The following ZBTB40 variants were observed in gnomAD, a reference collection of about 807,000 sequenced individuals.
ZBTB40 encodes zinc finger and BTB domain containing 40.
ZBTB40 carries 60 observed loss-of-function variants against 117.5 expected under a neutral mutation model. The observed-to-expected ratio is 0.51, with a 90% CI of 0.41 to 0.63. The LOEUF (loss-of-function observed/expected upper bound fraction) is 0.63. Among genes scored for constraint, ZBTB40 ranks in the 30% least tolerant of loss-of-function variants. The probability of loss-of-function intolerance (pLI) is 0.00; values close to 1 mark genes in which losing one functional copy is unlikely to be tolerated. For missense variants in ZBTB40, 1,287 were observed against 1,498.5 expected (o/e 0.86, Z 2.33); for synonymous variants, 525 against 577.1 (o/e 0.91, Z 1.29).
chr1:22,510,940 C>T (rs1400129270), intron 9 of ZBTB40, among the ~76,000 whole-genome samples: 8 of 152,164 alleles, frequency 5.3e-5, no homozygotes, highest in Non-Finnish European at 8.8e-5. Context: ...CTGCATGTAT[C>T]TTCTTTGTAT....
intron 1 of ZBTB40, among the ~76,000 whole-genome samples, chr1:22,488,634 G>A (rs1272308196): frequency 1.3e-5 from 2 of 152,168 alleles, no homozygotes; most frequent in Non-Finnish European, 2.9e-5. Flanking sequence ...GATGAGGTTA[G>A]GAGCCGATGA....
At chr1:22,471,872 C>T (rs1641414746) in intron 1 of ZBTB40, among the ~76,000 whole-genome samples, 1 of 152,238 alleles carries the variant, frequency 6.6e-6, no homozygotes, top group Admixed American at 6.5e-5. Flanking sequence ...ACGGGAGCTG[C>T]ACTCGAGAGC....
intron 5 of ZBTB40, among the ~76,000 whole-genome samples, chr1:22,505,374 T>A (rs1210542444): frequency 1.3e-5 from 2 of 152,240 alleles, no homozygotes; most frequent in Non-Finnish European, 2.9e-5. Flanking sequence ...TGTGCCCTTT[T>A]GACTCAAAAT....
At chr1:22,458,756 A>G (rs1461111195) in intron 1 of ZBTB40, among the ~76,000 whole-genome samples, 1 of 152,148 alleles carries the variant, frequency 6.6e-6, no homozygotes, top group African/African-American at 2.4e-5. Flanking sequence ...AAACTGGCCA[A>G]TTTTTATGAT....
At chr1:22,495,844 C>A (rs1044330611) in intron 3 of ZBTB40, among the ~76,000 whole-genome samples, 5 of 152,186 alleles carry the variant, frequency 3.3e-5, no homozygotes, top group African/African-American at 1.2e-4. Flanking sequence ...TCATTTAACT[C>A]TTCTGGACAT....
chr1:22,465,661 A>C (rs1641237031), intron 1 of ZBTB40, among the ~76,000 whole-genome samples: 1 of 152,048 alleles, frequency 6.6e-6, no homozygotes, highest in Non-Finnish European at 1.5e-5. Context: ...TAGCAGGGAG[A>C]AGCCAAACAG....
intron 1 of ZBTB40, among the ~76,000 whole-genome samples, chr1:22,453,558 A>G (rs1640934144): frequency 6.6e-6 from 1 of 152,218 alleles, no homozygotes; most frequent in Non-Finnish European, 1.5e-5. Context: ...ATTAGTTGCT[A>G]TTTACTGAGT....
intron 1 of ZBTB40, among the ~76,000 whole-genome samples, chr1:22,469,884 T>C (rs1641359308): frequency 6.6e-6 from 1 of 152,194 alleles, no homozygotes; most frequent in African/African-American, 2.4e-5. Context: ...TGTAATCATA[T>C]GTTTGCATAT....
Position 22,513,569 on chromosome 1 carries a change from C to T in ZBTB40, c.2668+439C>T, listed in dbSNP as rs1034290852. ...ACAAAAAATTAGCCAGGCGTGGTGG[C>T]GGGCACCTGGAGTCTCAGCTACTCG... On this transcript the variant is annotated intron_variant, in intron 12 of 17. Transcript: ENST00000375647. This position sits in a 1 kb window ranked among gnomAD's most constrained non-coding sequence, Gnocchi z 4.9. Among the ~76,000 whole-genome samples the T allele has an allele frequency of 6.6e-5, 10 of 151,974 alleles. No individual in the cohort carries two copies. Among genetic ancestry groups the T allele is most frequent in the African/African-American group, 1.7e-4 (7 of 41,368 alleles).
At chr1:22,440,161 T>C (rs973039238) in intron 1 of ZBTB40, among the ~76,000 whole-genome samples, 2 of 152,240 alleles carry the variant, frequency 1.3e-5, no homozygotes, top group Non-Finnish European at 2.9e-5. Flanking sequence ...TTTTTGTGTG[T>C]TGACTTTGTA....
chr1:22,469,058 G>T (rs1641336997), intron 1 of ZBTB40, among the ~76,000 whole-genome samples: 1 of 151,518 alleles, frequency 6.6e-6, no homozygotes, highest in Admixed American at 6.6e-5. Flanking sequence ...TGAATTCCTT[G>T]TCTCAAGGGA....
chr1:22,525,932 G>C (rs1016767643), intron 17 of ZBTB40, among the ~76,000 whole-genome samples: 1 of 152,180 alleles, frequency 6.6e-6, no homozygotes, highest in Non-Finnish European at 1.5e-5. Context: ...GCCAGTGTTC[G>C]CTGGTGTATA....
At chr1:22,522,543 A>G (rs1279806907) in intron 16 of ZBTB40, 80 bp downstream of exon 16, 2 of 1,385,290 alleles carry the variant, frequency 1.4e-6, no homozygotes, top group Non-Finnish European at 2.1e-6. Context: ...TTTGCAACCT[A>G]GGCTAAATCG....
Position 22,509,248 on chromosome 1 carries a change from A to G in ZBTB40, c.1833+15A>G. 1 of 1,614,164 alleles carries G rather than the reference A, an allele frequency of 6.2e-7. No individual in the cohort carries two copies. The highest frequency in any genetic ancestry group is 2.2e-5 in the East Asian group (1 of 44,880). On this transcript the variant is annotated intron_variant, in intron 9 of 17. Transcript: ENST00000375647. ...CTGTGAAAGAGGTGTGGTGGGAATA[A>G]AAAGCGAAATGCCAGAGAGTTTTAC...
intron 1 of ZBTB40, among the ~76,000 whole-genome samples, chr1:22,433,448 A>AAAAAAAAAAC (rs1557469811): frequency 7.1e-6 from 1 of 141,172 alleles, no homozygotes; most frequent in Non-Finnish European, 1.6e-5. Context: ...AAAAAAAAAA[A>AAAAAAAAAAC]AAAAAAAAAG....
chr1:22,512,240 T>C, intron 11 of ZBTB40, 106 bp downstream of exon 11: 1 of 1,245,378 alleles, frequency 8.0e-7, no homozygotes, highest in South Asian at 1.3e-5. Flanking sequence ...TGGGTGGGCT[T>C]AGAAAATAGA....
In ZBTB40 at chr1:22,526,964, G is replaced by A. The variant is rs957298958; in HGVS notation, c.*568G>A. 2.5e-5 allele frequency: 5 copies of A among 198,354 alleles called. No individual in the cohort carries two copies. Among genetic ancestry groups the A allele is most frequent in the Non-Finnish European group, 5.2e-5 (5 of 95,412 alleles). 12.3% of individuals were successfully genotyped at this position (198,354 alleles called of 1,614,324 possible). A position where few individuals can be genotyped will look rare whatever the true frequency, so the allele number is the denominator to read the frequency against. ...TCTGCTGGGGTTCCCCCTCCACCCA[G>A]TGGCCACGCCCAGCACCCTATTGAT... On this transcript the variant is annotated 3_prime_UTR_variant, in exon 18 of 18. Coordinates refer to ENST00000375647, the MANE Select transcript of ZBTB40 (RefSeq NM_014870.4).
chr1:22,522,890 C>T (rs1053989181), intron 16 of ZBTB40, among the ~76,000 whole-genome samples: 3 of 150,160 alleles, frequency 2.0e-5, no homozygotes, highest in African/African-American at 7.4e-5. Context: ...ACTTAGCCTC[C>T]CAAGTAGCTG....
At chr1:22,480,449 A>G (rs986074749) in intron 1 of ZBTB40, among the ~76,000 whole-genome samples, 2 of 152,028 alleles carry the variant, frequency 1.3e-5, no homozygotes, top group African/African-American at 4.8e-5. Flanking sequence ...TACTTTTCAC[A>G]TCCAGGTCTT....
Sources: allele counts gnomAD v4.1 joint callset (sites outside exome capture counted in the v4.1 genomes callset), GRCh38; gene constraint gnomAD v4.1.1; non-coding constraint Gnocchi (gnomAD v3.1); transcripts MANE v1.5; gene names NCBI Gene and HGNC (gene_info 2026-07-23, HGNC 2026-07-21).